Variants in SORCS2 observed in about 807,000 individuals in gnomAD.
The protein encoded by SORCS2 is sortilin related VPS10 domain containing receptor 2.
In SORCS2, 100 loss-of-function variants were observed where a neutral mutation model predicts 141.6. The ratio of observed to expected loss-of-function variants is 0.71; its 90% CI spans 0.60 to 0.83. The LOEUF (loss-of-function observed/expected upper bound fraction) is 0.83. Among genes scored for constraint, SORCS2 ranks in the 40% least tolerant of loss-of-function variants. The pLI is 0.00. For missense variants in SORCS2, 1,646 were observed against 1,560.2 expected, an observed-to-expected ratio of 1.05 and a Z score of -0.93; for synonymous variants, 789 against 676.9, an observed-to-expected ratio of 1.17 and a Z score of -2.57.
At chr4:7,570,390 A>G (rs566316516) in intron 3 of SORCS2, among the ~76,000 whole-genome samples, 1 of 152,336 alleles carries the variant, frequency 6.6e-6, no homozygotes, top group East Asian at 1.9e-4. Context: ...TCCCGCTGCC[A>G]GAGGCTGCTT....
intron 1 of SORCS2, among the ~76,000 whole-genome samples, chr4:7,371,779 C>T (rs1010589943): frequency 5.3e-5 from 8 of 152,216 alleles, no homozygotes; most frequent in Non-Finnish European, 1.0e-4. Flanking sequence ...TGTCAGCTCG[C>T]TGTGGGTCCC....
intron 3 of SORCS2, 51 bp from the exon 4 acceptor site, chr4:7,638,277 C>T (rs1004952704): frequency 1.5e-5 from 22 of 1,484,320 alleles, no homozygotes; most frequent in African/African-American, 2.9e-5. Context: ...TTTCTGGTGT[C>T]GGGGGAGAGG....
At chr4:7,676,383 C>T (rs1723114005) in intron 9 of SORCS2, among the ~76,000 whole-genome samples, 154 bp downstream of exon 9, 1 of 152,022 alleles carries the variant, frequency 6.6e-6, no homozygotes, top group African/African-American at 2.4e-5. Context: ...ATATTTTAGG[C>T]TTTGCAGGCC....
chr4:7,428,423 C>T (rs893237141), intron 2 of SORCS2, among the ~76,000 whole-genome samples: 6 of 152,282 alleles, frequency 3.9e-5, no homozygotes, highest in African/African-American at 9.6e-5. Context: ...ACCACTGAGA[C>T]GAATTCCTGC....
chr4:7,671,011 C>T (rs1163639943), intron 8 of SORCS2, among the ~76,000 whole-genome samples: 1 of 152,148 alleles, frequency 6.6e-6, no homozygotes, highest in Non-Finnish European at 1.5e-5. Flanking sequence ...CCCCCTTTTC[C>T]CTTTTGGGAG....
Position 7,408,995 on chromosome 4 carries a change from T to C in SORCS2, c.548+12640T>C, listed in dbSNP as rs73084256. Among the ~76,000 whole-genome samples the C allele has an allele frequency of 3.5e-3, 538 of 152,316 alleles. 4 individuals carry two copies. The highest frequency in any genetic ancestry group is 0.011 in the African/African-American group (448 of 41,560). ...ATCTGAATTGCTTTTCTGTGTTATC[T>C]TGAAGTTTTCTTAAAGATGCAGTTT... is the stretch of plus-strand genomic sequence containing the variant. On this transcript the variant is annotated intron_variant, in intron 2 of 26. Coordinates refer to ENST00000507866, the MANE Select transcript of SORCS2 (RefSeq NM_020777.3).
At position 7,454,987 on chromosome 4, in the gene SORCS2, G is replaced by A. The variant is rs527891677; in HGVS notation, c.548+58632G>A. Among the ~76,000 whole-genome samples, 325 of 140,650 alleles carry A rather than the reference G, an allele frequency of 2.3e-3. 1 individual carries two copies. Among genetic ancestry groups the A allele is most frequent in the Non-Finnish European group, 4.1e-3 (267 of 65,498 alleles). 92.3% of individuals were successfully genotyped at this position (140,650 alleles called of 152,430 possible). The stretch of plus-strand genomic sequence containing the variant: ...AGGTGCTGTATTGGGGTCAGGCTCC[G>A]TGTTAGTGTCATGCGCCACGTTAGG... On this transcript the variant is annotated intron_variant, in intron 2 of 26. Coordinates refer to ENST00000507866, the MANE Select transcript of SORCS2 (RefSeq NM_020777.3).
chr4:7,396,302 G>A lies in SORCS2; in HGVS notation c.495G>A (p.Leu165=). 1 of 1,613,896 alleles carries A rather than the reference G, an allele frequency of 6.2e-7. No individual in the cohort carries two copies. ...TGENSSVILI[L]TKYYHADMGK... Reference sequence around the variant, plus strand: ...TAACACCACAGGTGATCTTGATCCTGACGAAGTACTACCACGCAGACATGG... The same window carrying A: ...TAACACCACAGGTGATCTTGATCCTAACGAAGTACTACCACGCAGACATGG... Residue 165 remains leucine (L), a synonymous_variant, in exon 2 of 27, where the codon CTG becomes CTA. Transcript: ENST00000507866.
chr4:7,584,427 A>G (rs1456687546), intron 3 of SORCS2, among the ~76,000 whole-genome samples: 2 of 152,234 alleles, frequency 1.3e-5, no homozygotes, highest in African/African-American at 4.8e-5. Flanking sequence ...GAAGGCACAG[A>G]TACTCAGTAG....
intron 1 of SORCS2, among the ~76,000 whole-genome samples, chr4:7,261,141 T>C (rs561643487): frequency 3.3e-5 from 5 of 152,316 alleles, no homozygotes; most frequent in African/African-American, 9.6e-5. Context: ...GGGAATTCTC[T>C]TGCTTTCTGT....
chr4:7,624,383 C>T (rs1423486750), intron 3 of SORCS2, among the ~76,000 whole-genome samples: 1 of 152,176 alleles, frequency 6.6e-6, no homozygotes, highest in Non-Finnish European at 1.5e-5. Context: ...GCTTCAGACA[C>T]CTGCTTCATG....
At position 7,629,374 on chromosome 4, in the gene SORCS2, T is replaced by C. The variant is rs1577864268; in HGVS notation, c.649-8954T>C. 2.6e-5 allele frequency among the ~76,000 whole-genome samples: 4 copies of C among 152,118 alleles called. No homozygotes were observed. In the East Asian group the frequency reaches 7.7e-4, roughly 29 times the overall value. On this transcript the variant is annotated intron_variant, in intron 3 of 26. Coordinates refer to ENST00000507866, the MANE Select transcript of SORCS2 (RefSeq NM_020777.3). ...TGAGGCTGGGGTGGCCAGAGCCAGG[T>C]GAGAGGGACCTCGGATGTGGAACAA...
chr4:7,686,223 G>A (rs1271207361), intron 10 of SORCS2, among the ~76,000 whole-genome samples: 1 of 152,210 alleles, frequency 6.6e-6, no homozygotes, highest in Non-Finnish European at 1.5e-5. Context: ...GGATGATTCA[G>A]CTTCATTGGA....
chr4:7,573,922 G>A (rs1291519293), intron 3 of SORCS2, among the ~76,000 whole-genome samples: 2 of 152,318 alleles, frequency 1.3e-5, no homozygotes, highest in East Asian at 3.9e-4. Flanking sequence ...GAAGCAGCAG[G>A]CCCATTCCTG....
chr4:7,369,990 C>T (rs905166996), intron 1 of SORCS2, among the ~76,000 whole-genome samples: 1 of 152,218 alleles, frequency 6.6e-6, no homozygotes, highest in Non-Finnish European at 1.5e-5. Context: ...CTCTCTGAGC[C>T]TCAGTTTCCT....
At chr4:7,655,121 C>T (rs945980099) in intron 5 of SORCS2, among the ~76,000 whole-genome samples, 9 of 152,164 alleles carry the variant, frequency 5.9e-5, no homozygotes, top group African/African-American at 1.9e-4. Flanking sequence ...GGCCATATCC[C>T]GTCCTTCTGG....
intron 5 of SORCS2, among the ~76,000 whole-genome samples, chr4:7,658,876 G>A (rs1241515641): frequency 6.6e-6 from 1 of 152,230 alleles, no homozygotes; most frequent in Non-Finnish European, 1.5e-5. Flanking sequence ...TGGGCACTGT[G>A]CCTGAGACAT....
intron 2 of SORCS2, among the ~76,000 whole-genome samples, chr4:7,427,850 C>CT (rs1326886487): frequency 6.6e-6 from 1 of 152,004 alleles, no homozygotes; most frequent in African/African-American, 2.4e-5. Context: ...ACCGCCCCCC[C>CT]GCCCCCCCGC....
chr4:7,519,101 C>T (rs764870116), intron 2 of SORCS2, among the ~76,000 whole-genome samples: 1 of 152,200 alleles, frequency 6.6e-6, no homozygotes, highest in Non-Finnish European at 1.5e-5. Flanking sequence ...CGGCGGAGGG[C>T]TCGCAGAGCA....
Sources: allele counts gnomAD v4.1 joint callset (sites outside exome capture counted in the v4.1 genomes callset), GRCh38; gene constraint gnomAD v4.1.1; transcripts MANE v1.5; gene names NCBI Gene and HGNC (gene_info 2026-07-23, HGNC 2026-07-21).